The following ATRNL1 variants were observed in gnomAD, a reference collection of about 807,000 sequenced individuals.
ATRNL1 encodes attractin like 1.
In ATRNL1, 95 loss-of-function variants were observed where a neutral mutation model predicts 182.7. The observed-to-expected ratio is 0.52, with a 90% CI of 0.44 to 0.62. ATRNL1 has a LOEUF of 0.62. Ranked by LOEUF, ATRNL1 falls within the 20% of genes least tolerant of loss-of-function variation. The probability of loss-of-function intolerance (pLI) is 0.00; values close to 1 mark genes in which losing one functional copy is unlikely to be tolerated. For synonymous variants in ATRNL1, 576 were observed against 568.3 expected (o/e 1.01, Z -0.19); for missense variants, 1,471 against 1,679.5 (o/e 0.88, Z 2.17).
At chr10:115,548,328 C>T (rs1554994476) in intron 25 of ATRNL1, among the ~76,000 whole-genome samples, 1 of 152,178 alleles carries the variant, frequency 6.6e-6, no homozygotes, top group East Asian at 1.9e-4. Flanking sequence ...ATTCTAAGGT[C>T]TTCTGCTTCA....
chr10:115,727,734 G>C (rs1947644472), intron 27 of ATRNL1, among the ~76,000 whole-genome samples: 2 of 152,168 alleles, frequency 1.3e-5, no homozygotes, highest in Non-Finnish European at 2.9e-5. Context: ...AGTTTACTTA[G>C]AAAAGGTACG....
At chr10:115,303,203 G>A (rs1853565310) in intron 17 of ATRNL1, among the ~76,000 whole-genome samples, 1 of 144,900 alleles carries the variant, frequency 6.9e-6, no homozygotes, top group Admixed American at 7.1e-5. Context: ...AATCACCTGA[G>A]ATAAAGTTGG....
chr10:115,097,304 T>C (rs1287524158), intron 1 of ATRNL1, among the ~76,000 whole-genome samples: 1 of 151,832 alleles, frequency 6.6e-6, no homozygotes, highest in Non-Finnish European at 1.5e-5. Flanking sequence ...GGCAAGATAG[T>C]GAGACCTCAT....
At chr10:115,719,133 T>C (rs1235246708) in intron 26 of ATRNL1, among the ~76,000 whole-genome samples, 2 of 152,220 alleles carry the variant, frequency 1.3e-5, no homozygotes, top group Non-Finnish European at 2.9e-5. Context: ...TCCTAGAATT[T>C]TAGTCTAAGC....
intron 24 of ATRNL1, among the ~76,000 whole-genome samples, chr10:115,502,921 T>A (rs1554980432): frequency 6.6e-6 from 1 of 152,068 alleles, no homozygotes. Flanking sequence ...CAGTCTCACA[T>A]CCCCACCTCC....
intron 27 of ATRNL1, among the ~76,000 whole-genome samples, chr10:115,760,898 T>C (rs1948718226): frequency 6.6e-6 from 1 of 152,226 alleles, no homozygotes. Flanking sequence ...AATTTGCTGT[T>C]ATTTCCCCAT....
intron 9 of ATRNL1, among the ~76,000 whole-genome samples, chr10:115,230,075 G>T (rs1849860549): frequency 4.0e-5 from 6 of 151,842 alleles, no homozygotes; most frequent in Admixed American, 3.9e-4. Context: ...ATATGTATTT[G>T]CCAGCAAACC....
chr10:115,943,819 C>T (rs1041298802), intron 28 of ATRNL1, among the ~76,000 whole-genome samples: 1 of 152,066 alleles, frequency 6.6e-6, no homozygotes, highest in African/African-American at 2.4e-5. Context: ...AACTATGGCA[C>T]ATCCGCACAA....
chr10:115,692,092 G>A (rs1052194641), intron 26 of ATRNL1, among the ~76,000 whole-genome samples: 1 of 152,092 alleles, frequency 6.6e-6, no homozygotes, highest in Non-Finnish European at 1.5e-5. Context: ...ACTTCATGAG[G>A]TTCTGAAACT....
At chr10:115,271,288 C>CT (rs74673760) in intron 13 of ATRNL1, among the ~76,000 whole-genome samples, 6 of 151,632 alleles carry the variant, frequency 4.0e-5, no homozygotes, top group South Asian at 2.1e-4. Context: ...TACATATATT[C>CT]TTTTTTTTAT....
chr10:115,554,451 A>G (rs1853193347), intron 26 of ATRNL1, among the ~76,000 whole-genome samples: 1 of 151,666 alleles, frequency 6.6e-6, no homozygotes, highest in Non-Finnish European at 1.5e-5. Context: ...ACCTGTTTCC[A>G]AAGACTTCAT....
At chr10:115,721,091 C>T (rs1458534938) in intron 26 of ATRNL1, among the ~76,000 whole-genome samples, 1 of 152,058 alleles carries the variant, frequency 6.6e-6, no homozygotes, top group Non-Finnish European at 1.5e-5. Context: ...TCTATTTGCC[C>T]TTTAGAGGTC....
At chr10:115,333,822 T>C (rs570508251) in intron 18 of ATRNL1, among the ~76,000 whole-genome samples, 4 of 152,306 alleles carry the variant, frequency 2.6e-5, no homozygotes, top group African/African-American at 9.6e-5. Context: ...ACTATTAGTT[T>C]ACTTTATTCT....
At chr10:115,724,661 G>T (rs1947539051) in intron 26 of ATRNL1, among the ~76,000 whole-genome samples, 2 of 152,070 alleles carry the variant, frequency 1.3e-5, no homozygotes, top group Admixed American at 6.6e-5. Flanking sequence ...GTCCTCTAAG[G>T]TATAGGCGTA....
chr10:115,863,597 C>T (rs1343978370), intron 28 of ATRNL1, among the ~76,000 whole-genome samples: 8 of 152,072 alleles, frequency 5.3e-5, no homozygotes, highest in Non-Finnish European at 1.0e-4. Context: ...TTAGAGGGAT[C>T]AGTATGAGTT....
At chr10:115,568,483 G>A (rs541057627) in intron 26 of ATRNL1, among the ~76,000 whole-genome samples, 1 of 151,826 alleles carries the variant, frequency 6.6e-6, no homozygotes, top group Non-Finnish European at 1.5e-5. Context: ...AGGTAATATT[G>A]ATCATAAAGC....
At chr10:115,883,598 C>T (rs1042933159) in intron 28 of ATRNL1, among the ~76,000 whole-genome samples, 34 of 152,334 alleles carry the variant, frequency 2.2e-4, no homozygotes, top group Middle Eastern at 3.4e-3. Context: ...ATCCTGTGTG[C>T]ATAAGGTTGA....
intron 27 of ATRNL1, among the ~76,000 whole-genome samples, chr10:115,840,650 C>G (rs534664823): frequency 6.6e-6 from 1 of 152,036 alleles, no homozygotes; most frequent in Non-Finnish European, 1.5e-5. Flanking sequence ...GTTCTCATAA[C>G]CACCACGTTA....
chr10:115,793,518 A>T (rs1270962159), intron 27 of ATRNL1, among the ~76,000 whole-genome samples: 3 of 76 alleles, frequency 0.039, no homozygotes, highest in Non-Finnish European at 0.12. Flanking sequence ...TTTATAAAAT[A>T]ACTTTGAACG....
Sources: allele counts gnomAD v4.1 joint callset (sites outside exome capture counted in the v4.1 genomes callset), GRCh38; gene constraint gnomAD v4.1.1; transcripts MANE v1.5; gene names NCBI Gene and HGNC (gene_info 2026-07-23, HGNC 2026-07-21).